LYPLA1: variants seen among roughly 807,000 people sequenced by gnomAD.
LYPLA1 encodes the protein acyl-protein thioesterase 1.
Under a neutral mutation model 34.0 loss-of-function variants are expected in LYPLA1, and 17 were observed. That is an observed-to-expected ratio of 0.50 (90% CI 0.34 to 0.75). The LOEUF (loss-of-function observed/expected upper bound fraction) is 0.75, where lower values mean the gene tolerates loss of function less well. Ranked by LOEUF, LYPLA1 falls within the 30% of genes least tolerant of loss-of-function variation. The pLI is 0.01. For synonymous variants in LYPLA1, 98 were observed against 100.8 expected, an observed-to-expected ratio of 0.97 and a Z score of 0.17; for missense variants, 203 against 288.8, an observed-to-expected ratio of 0.70 and a Z score of 2.15.
At chr8:54,093,040 GA>G (rs202173468) in intron 2 of LYPLA1, among the ~76,000 whole-genome samples, 166 of 152,016 alleles carry the variant, frequency 1.1e-3, no homozygotes, top group African/African-American at 3.3e-3. Context: ...AACTAGACAA[GA>G]AAAAAAATGA....
downstream of LYPLA1, chr8:54,044,948 T>A (rs1356972755): frequency 6.6e-6 from 1 of 152,198 alleles, no homozygotes; most frequent in Non-Finnish European, 1.5e-5. Context: ...AGCATTTCCA[T>A]GTGTCCTGTA....
chr8:54,058,956 T>C (rs969464422), intron 5 of LYPLA1, among the ~76,000 whole-genome samples: 1 of 152,204 alleles, frequency 6.6e-6, no homozygotes, highest in Non-Finnish European at 1.5e-5. Flanking sequence ...TAGCACATTC[T>C]CTTTTGTTTT....
In LYPLA1 at chr8:54,072,865, A is replaced by G. The variant is rs1285032706; in HGVS notation, c.102-7052T>C. 9.3e-5 allele frequency among the ~76,000 whole-genome samples: 14 copies of G among 151,064 alleles called. 1 individual carries two copies. The highest frequency in any genetic ancestry group is 9.3e-4 in the Admixed American group (14 of 15,110). On this transcript the variant is annotated intron_variant, in intron 2 of 8. Transcript: ENST00000316963. The stretch of plus-strand genomic sequence containing the variant: ...CGTGGTGGTGCGTGCCTGTAGTCCC[A>G]GCTACTCAGGAGGCTGAGGCAGGAG...
At chr8:54,062,065 C>A (rs1806673595) in intron 5 of LYPLA1, among the ~76,000 whole-genome samples, 189 bp downstream of exon 5, 1 of 152,058 alleles carries the variant, frequency 6.6e-6, no homozygotes. Context: ...CCATGCTGGC[C>A]AAGCTGGTCT....
At chr8:54,076,631 G>C (rs1412739497) in intron 2 of LYPLA1, among the ~76,000 whole-genome samples, 1 of 152,170 alleles carries the variant, frequency 6.6e-6, no homozygotes, top group African/African-American at 2.4e-5. Context: ...CACGCTGGAA[G>C]GTTGTGGGTT....
intron 8 of LYPLA1, among the ~76,000 whole-genome samples, chr8:54,050,232 T>C (rs1805755206): frequency 6.6e-6 from 1 of 152,210 alleles, no homozygotes; most frequent in Admixed American, 6.5e-5. Flanking sequence ...TCTCCTTCCT[T>C]TACTCTAAAA....
intron 2 of LYPLA1, among the ~76,000 whole-genome samples, chr8:54,072,903 A>G (rs1246375264): frequency 1.4e-5 from 2 of 144,640 alleles, no homozygotes; most frequent in Non-Finnish European, 3.0e-5. Flanking sequence ...TTGCTTGAAC[A>G]CTCCAGCTTG....
At chr8:54,084,131 A>AAATT (rs1808510898) in intron 2 of LYPLA1, among the ~76,000 whole-genome samples, 1 of 117,396 alleles carries the variant, frequency 8.5e-6, no homozygotes, top group Non-Finnish European at 1.6e-5. Context: ...AAAGAAAAAA[A>AAATT]AAATAAATAA....
At chr8:54,057,603 C>A (rs905373059) in intron 5 of LYPLA1, among the ~76,000 whole-genome samples, 1 of 152,078 alleles carries the variant, frequency 6.6e-6, no homozygotes, top group Non-Finnish European at 1.5e-5. Context: ...TTTGTGGGAT[C>A]TAAAACTAAC....
At chr8:54,087,196 G>A (rs147370382) in intron 2 of LYPLA1, among the ~76,000 whole-genome samples, 1 of 151,946 alleles carries the variant, frequency 6.6e-6, no homozygotes, top group Non-Finnish European at 1.5e-5. Context: ...AAGATCCCAG[G>A]ATATAAAAAA....
chr8:54,092,191 G>A lies in LYPLA1; in HGVS notation c.101+8717C>T, dbSNP rs574533436. On this transcript the variant is annotated intron_variant, in intron 2 of 8. Transcript: ENST00000316963. ...AGAACCCTGTCGAAGTCAGGGGGAGGAGGAGGAGGAGAAAGACGGAAGAGA... is the reference window on the plus strand; with the variant it reads ...AGAACCCTGTCGAAGTCAGGGGGAGAAGGAGGAGGAGAAAGACGGAAGAGA... 2.1e-3 allele frequency among the ~76,000 whole-genome samples: 311 copies of A among 151,424 alleles called. 1 individual carries two copies. Among genetic ancestry groups the A allele is most frequent in the African/African-American group, 7.1e-3 (292 of 41,234 alleles).
chr8:54,080,390 T>A (rs1808224175), intron 2 of LYPLA1, among the ~76,000 whole-genome samples: 1 of 152,272 alleles, frequency 6.6e-6, no homozygotes, highest in South Asian at 2.1e-4. Context: ...CACCTATTTA[T>A]TAGAGTCCAA....
At chr8:54,096,032 C>T (rs1809656107) in intron 2 of LYPLA1, among the ~76,000 whole-genome samples, 2 of 152,156 alleles carry the variant, frequency 1.3e-5, no homozygotes, top group African/African-American at 4.8e-5. Flanking sequence ...TGGATTAGAC[C>T]GTAGTATACC....
At chr8:54,056,796 G>A (rs763719931) in intron 5 of LYPLA1, among the ~76,000 whole-genome samples, 6 of 151,924 alleles carry the variant, frequency 3.9e-5, no homozygotes, top group Admixed American at 3.3e-4. Flanking sequence ...ACCTGTAGTC[G>A]CAGCTACTTG....
At chr8:54,075,775 C>G (rs1259137834) in intron 2 of LYPLA1, among the ~76,000 whole-genome samples, 1 of 152,186 alleles carries the variant, frequency 6.6e-6, no homozygotes, top group Non-Finnish European at 1.5e-5. Context: ...CATAATAAAT[C>G]TGCTCCTATT....
At chr8:54,092,361 AGAAG>A (rs1385475549) in intron 2 of LYPLA1, among the ~76,000 whole-genome samples, 1 of 151,908 alleles carries the variant, frequency 6.6e-6, no homozygotes, top group East Asian at 1.9e-4. Flanking sequence ...GAGGAGAAGG[AGAAG>A]GAAGAGGAGG....
intron 2 of LYPLA1, 38 bp downstream of exon 2, chr8:54,100,870 G>T: frequency 6.4e-7 from 1 of 1,563,570 alleles, no homozygotes; most frequent in Non-Finnish European, 8.8e-7. Context: ...GCATGACCCA[G>T]TTTCATTACT....
intron 2 of LYPLA1, among the ~76,000 whole-genome samples, chr8:54,092,491 G>C (rs1809376161): frequency 6.6e-6 from 1 of 152,154 alleles, no homozygotes; most frequent in Non-Finnish European, 1.5e-5. Context: ...AAGTGATTTT[G>C]ATGCATGCTA....
intron 2 of LYPLA1, among the ~76,000 whole-genome samples, chr8:54,083,412 G>A (rs1329424696): frequency 2.0e-5 from 3 of 152,112 alleles, no homozygotes; most frequent in Non-Finnish European, 4.4e-5. Context: ...TATACAAACA[G>A]TTCCCAACTT....
Sources: gnomAD v4.1 joint callset for allele counts (sites outside exome capture counted in the v4.1 genomes callset) on GRCh38, gnomAD v4.1.1 for gene constraint, MANE v1.5 for transcripts, NCBI Gene and HGNC (gene_info 2026-07-23, HGNC 2026-07-21) for gene names.